Variants in SOX5 observed in about 807,000 individuals in gnomAD.
The protein encoded by SOX5 is SRY-box transcription factor 5.
SOX5 carries 9 observed loss-of-function variants against 92.0 expected under a neutral mutation model. That is an observed-to-expected ratio of 0.10 (90% CI 0.06 to 0.17). The LOEUF is 0.17. SOX5 is among the 10% of genes least tolerant of loss of function. SOX5 has a pLI of 1.00. For missense variants in SOX5, 642 were observed against 944.5 expected, an observed-to-expected ratio of 0.68 and a Z score of 4.20; for synonymous variants, 344 against 336.3, an observed-to-expected ratio of 1.02 and a Z score of -0.25.
At chr12:23,951,534 C>A (rs1410349333), upstream of SOX5, among the ~76,000 whole-genome samples, 1 of 152,032 alleles carries the variant, frequency 6.6e-6, no homozygotes, top group Non-Finnish European at 1.5e-5. Context: ...AGAAAAAAAT[C>A]AATTATGAAC....
chr12:24,191,723 A>G (rs552361230), intron 4 of SOX5, among the ~76,000 whole-genome samples: 1 of 152,206 alleles, frequency 6.6e-6, no homozygotes, highest in Non-Finnish European at 1.5e-5. Flanking sequence ...TGTCAGGTAC[A>G]ACAGGTATTT....
At chr12:24,232,057 A>G (rs776837647) in intron 3 of SOX5, among the ~76,000 whole-genome samples, 1 of 152,152 alleles carries the variant, frequency 6.6e-6, no homozygotes. Flanking sequence ...ATCACTTTCT[A>G]AAATCCACTT....
rs553462702 is a variant in SOX5 at position 24,298,320 on chromosome 12, C to T, written c.-173-21008G>A. ...CTGGAGTCAAGTGATCCACCTACCT[C>T]GGTCTCCCAAAGTGCTGGGATTACA... On this transcript the variant is annotated intron_variant, in intron 2 of 4. Transcript: ENST00000446891. 4.6e-5 allele frequency among the ~76,000 whole-genome samples: 7 copies of T among 152,298 alleles called. No individual in the cohort carries two copies. The East Asian group carries it at 5.8e-4, about 13-fold the overall frequency.
At chr12:24,492,593 G>C (rs1024395387) in intron 1 of SOX5, among the ~76,000 whole-genome samples, 8 of 152,156 alleles carry the variant, frequency 5.3e-5, no homozygotes, top group African/African-American at 1.9e-4. Context: ...ATCCCCTCAA[G>C]TATTAATAGA....
At chr12:24,259,669 T>TCTAAGTATTATA (rs1941793590) in intron 3 of SOX5, among the ~76,000 whole-genome samples, 3 of 152,240 alleles carry the variant, frequency 2.0e-5, no homozygotes, top group Non-Finnish European at 4.4e-5. Context: ...GGAAAAACTT[T>TCTAAGTATTATA]CTAAGTATTA....
Position 24,384,505 on chromosome 12 carries a change from T to C in SOX5, c.-250-15866A>G, listed in dbSNP as rs973823341. Among the ~76,000 whole-genome samples, 8 of 152,124 alleles carry C rather than the reference T, an allele frequency of 5.3e-5. No individual in the cohort carries two copies. The East Asian group carries it at 1.5e-3, about 29-fold the overall frequency. On this transcript the variant is annotated intron_variant, in intron 1 of 4. Transcript: ENST00000446891. ...GATATGCAAAAGAGAAAGGGTAAAG[T>C]GCTTCCTTTAAAAAGTGAAAAGGTG...
chr12:24,454,547 G>T (rs1490527525), intron 1 of SOX5, among the ~76,000 whole-genome samples: 1 of 152,108 alleles, frequency 6.6e-6, no homozygotes, highest in East Asian at 1.9e-4. Flanking sequence ...AGATGCACAA[G>T]TATTTACGGG....
chr12:23,611,369 CGTGTGTGTGTGTGT>C (rs3030241), intron 8 of SOX5, among the ~76,000 whole-genome samples: 1 of 136,992 alleles, frequency 7.3e-6, no homozygotes. Flanking sequence ...TGTGTGTGTG[CGTGTGTGTGTGTGT>C]GTGTGTGTGT....
chr12:24,469,381 T>A (rs1456436052), intron 1 of SOX5, among the ~76,000 whole-genome samples: 2 of 152,160 alleles, frequency 1.3e-5, no homozygotes, highest in African/African-American at 4.8e-5. Context: ...ATCTAAACTT[T>A]CCTTCTTTTC....
intron 2 of SOX5, among the ~76,000 whole-genome samples, chr12:24,298,554 T>C (rs1179423200): frequency 6.6e-6 from 1 of 152,220 alleles, no homozygotes; most frequent in Non-Finnish European, 1.5e-5. Flanking sequence ...TGTAGAAATG[T>C]TATACTCAAA....
intron 7 of SOX5, among the ~76,000 whole-genome samples, chr12:23,648,406 C>G (rs1592926775): frequency 6.6e-6 from 1 of 152,196 alleles, no homozygotes; most frequent in East Asian, 1.9e-4. Context: ...TTATGTCTGT[C>G]TACAAATTGA....
rs753843584 is a variant in SOX5, at chr12:23,542,772, T to A, written c.1771+439A>T. ...CTCCACCCTCACCCCCACAACAAGA[T>A]GAATTCCGCAAATAAAACTCCTTAT... On this transcript the variant is annotated intron_variant, in intron 13 of 14. Transcript: ENST00000451604. 3.3e-5 allele frequency among the ~76,000 whole-genome samples: 5 copies of A among 152,274 alleles called. No homozygotes were observed. In the East Asian group the frequency reaches 7.7e-4, roughly 24 times the overall value.
chr12:24,105,725 C>G (rs943790132), intron 4 of SOX5, among the ~76,000 whole-genome samples: 3 of 152,144 alleles, frequency 2.0e-5, no homozygotes, highest in Admixed American at 2.0e-4. Flanking sequence ...CACCTCAACT[C>G]TAAAGTAATT....
At chr12:23,782,465 A>G (rs34199258) in intron 3 of SOX5, among the ~76,000 whole-genome samples, 19,037 of 152,194 alleles carry the variant, frequency 0.13, 1,311 homozygotes, top group Non-Finnish European at 0.15. Context: ...TAACGTATCC[A>G]AAAAGTCAGG....
chr12:23,707,378 G>A (rs11047054), intron 6 of SOX5, among the ~76,000 whole-genome samples: 11,796 of 152,076 alleles, frequency 0.078, 533 homozygotes, highest in Non-Finnish European at 0.1. Flanking sequence ...CCTATCTGTC[G>A]AGCCCCTTAG....
intron 4 of SOX5, among the ~76,000 whole-genome samples, chr12:24,066,295 TGTAA>T (rs1940732193): frequency 6.6e-6 from 1 of 152,224 alleles, no homozygotes; most frequent in Admixed American, 6.5e-5. Flanking sequence ...ATGTGACTCA[TGTAA>T]GTACTTGTAA....
intron 2 of SOX5, among the ~76,000 whole-genome samples, chr12:23,891,103 T>C (rs969719968): frequency 6.6e-6 from 1 of 152,218 alleles, no homozygotes; most frequent in African/African-American, 2.4e-5. Context: ...TGAATATATG[T>C]ATATGTATAT....
chr12:24,006,493 C>T (rs957836359), intron 4 of SOX5, among the ~76,000 whole-genome samples: 3 of 151,970 alleles, frequency 2.0e-5, no homozygotes, highest in Non-Finnish European at 4.4e-5. Flanking sequence ...GAGCATAAGT[C>T]ACTCAGTCCC....
At chr12:24,474,818 G>C (rs1945189000) in intron 1 of SOX5, among the ~76,000 whole-genome samples, 1 of 151,762 alleles carries the variant, frequency 6.6e-6, no homozygotes, top group African/African-American at 2.4e-5. Flanking sequence ...TTACAGGCAT[G>C]AGCCACCACA....
Sources: allele counts gnomAD v4.1 joint callset (sites outside exome capture counted in the v4.1 genomes callset), GRCh38; gene constraint gnomAD v4.1.1; transcripts MANE v1.5; gene names NCBI Gene and HGNC (gene_info 2026-07-23, HGNC 2026-07-21).